The following CMIP variants were observed in gnomAD, a reference collection of about 807,000 sequenced individuals.
The protein encoded by CMIP is c-Maf inducing protein.
Under a neutral mutation model 97.3 loss-of-function variants are expected in CMIP, and 13 were observed. The ratio of observed to expected loss-of-function variants is 0.13; its 90% confidence interval spans 0.09 to 0.21. The LOEUF (loss-of-function observed/expected upper bound fraction) is 0.21. Among genes scored for constraint, CMIP ranks in the 10% least tolerant of loss-of-function variants. CMIP has a pLI of 1.00. For missense variants in CMIP, 847 were observed against 1,024.9 expected (o/e 0.83, Z 2.37); for synonymous variants, 538 against 436.3 (o/e 1.23, Z -2.91).
Position 81,701,702 on chromosome 16 carries a change from G to A in CMIP, c.1798G>A (p.Asp600Asn), listed in dbSNP as rs772870285. ...MLEYNIIDNN[D>N]TQLQIISTLE... Reference sequence around the variant, plus strand: ...GGAATACAACATCATCGACAACAACGACACCCAACTGCAGATCATCTCAAC... The same window carrying A: ...GGAATACAACATCATCGACAACAACAACACCCAACTGCAGATCATCTCAAC... The change falls in exon 16 of 21, where the codon GAC becomes AAC. Residue 600 changes from aspartate to asparagine, a missense_variant. Asp to Asn is a conservative substitution (Grantham distance 23). This residue lies in a region of CMIP where 266 missense variants were observed against 384.2 expected (regional missense o/e 0.69). Coordinates refer to ENST00000537098, the MANE Select transcript of CMIP (RefSeq NM_198390.3). The A allele has an allele frequency of 1.2e-6, 2 of 1,613,868 alleles. No individual in the cohort carries two copies. Among genetic ancestry groups the A allele is most frequent in the East Asian group, 2.2e-5 (1 of 44,848 alleles).
At chr16:81,668,851 C>G (rs1385002232) in intron 7 of CMIP, among the ~76,000 whole-genome samples, 1 of 61,610 alleles carries the variant, frequency 1.6e-5, no homozygotes, top group East Asian at 1.2e-3. Context: ...ACCTCACACT[C>G]ACTGCCTTCC....
rs1908638559 is a variant in CMIP, at chr16:81,710,437, G to GCC, written c.*642_*643dup. ...CCCCGCCCGACCCCACCGCCCTCCC[G>GCC]CCCCCACCTGGCGTGTAGTACTGTA... On this transcript the variant is annotated 3_prime_UTR_variant, in exon 21 of 21. Coordinates refer to ENST00000537098, the MANE Select transcript of CMIP (RefSeq NM_198390.3). 1 of 24,280 alleles carries GCC rather than the reference G, an allele frequency of 4.1e-5. No homozygotes were observed. The highest frequency in any genetic ancestry group is 1.6e-4 in the African/African-American group (1 of 6,310). The allele number at this position is 24,280 out of a possible 1,614,324, so 1.5% of individuals were successfully genotyped here.
intron 1 of CMIP, among the ~76,000 whole-genome samples, chr16:81,503,308 G>A (rs2089646309): frequency 6.6e-6 from 1 of 152,176 alleles, no homozygotes; most frequent in African/African-American, 2.4e-5. Context: ...ATGGTGAAGA[G>A]TTTCCCCCTG....
chr16:81,511,897 C>G (rs553958452), intron 1 of CMIP, among the ~76,000 whole-genome samples: 2 of 152,148 alleles, frequency 1.3e-5, no homozygotes, highest in African/African-American at 4.8e-5. Flanking sequence ...TCCAATACCA[C>G]GGCCACCAGC....
intron 3 of CMIP, among the ~76,000 whole-genome samples, chr16:81,650,861 G>C (rs1228262401): frequency 6.6e-6 from 1 of 152,188 alleles, no homozygotes; most frequent in Non-Finnish European, 1.5e-5. Flanking sequence ...GGAAGAACCA[G>C]ATCTTTCCGA....
intron 8 of CMIP, among the ~76,000 whole-genome samples, chr16:81,670,632 G>C (rs60715853): frequency 0.33 from 45,887 of 139,666 alleles, 8,434 homozygotes; most frequent in Middle Eastern, 0.47. Flanking sequence ...GGGGGGGGGG[G>C]GGTGGTTGCT....
chr16:81,671,862 G>C (rs2092686097), intron 8 of CMIP, 104 bp from the exon 9 acceptor site: 1 of 588,628 alleles, frequency 1.7e-6, no homozygotes, highest in Admixed American at 2.9e-5. Flanking sequence ...CGCTGGCAGA[G>C]CGGGCAGCCC....
chr16:81,585,950 T>C (rs1289376626), intron 1 of CMIP, among the ~76,000 whole-genome samples: 1 of 152,190 alleles, frequency 6.6e-6, no homozygotes, highest in African/African-American at 2.4e-5. Flanking sequence ...CATGAGCTCC[T>C]GGAGCATGGT....
intron 3 of CMIP, among the ~76,000 whole-genome samples, chr16:81,641,169 T>A (rs1288383799): frequency 6.6e-6 from 1 of 152,136 alleles, no homozygotes; most frequent in Non-Finnish European, 1.5e-5. Flanking sequence ...GCAATTCCTG[T>A]GCACACGAAT....
At chr16:81,589,258 G>A (rs947825840) in intron 1 of CMIP, among the ~76,000 whole-genome samples, 3 of 152,020 alleles carry the variant, frequency 2.0e-5, no homozygotes, top group South Asian at 2.1e-4. Flanking sequence ...CACCACACCC[G>A]GGTAATTTTT....
At chr16:81,511,709 C>T (rs1044439808) in intron 1 of CMIP, among the ~76,000 whole-genome samples, 19 of 152,164 alleles carry the variant, frequency 1.2e-4, no homozygotes, top group Non-Finnish European at 2.6e-4. Flanking sequence ...TACAGGTGTG[C>T]ACCACCACGC....
intron 2 of CMIP, among the ~76,000 whole-genome samples, chr16:81,615,313 GTGTA>G (rs1451912955): frequency 1.4e-5 from 2 of 145,866 alleles, no homozygotes; most frequent in Admixed American, 7.0e-5. Context: ...ACTGGTGTGT[GTGTA>G]TGGTGTGTGT....
intron 3 of CMIP, among the ~76,000 whole-genome samples, chr16:81,642,983 G>C (rs188830799): frequency 1.3e-5 from 2 of 150,998 alleles, no homozygotes; most frequent in Admixed American, 6.6e-5. Context: ...GCCACAGCCG[G>C]ATGAACCTTG....
At chr16:81,591,334 G>A (rs2091464080) in intron 1 of CMIP, among the ~76,000 whole-genome samples, 1 of 152,180 alleles carries the variant, frequency 6.6e-6, no homozygotes, top group African/African-American at 2.4e-5. Flanking sequence ...GCCAGATAGA[G>A]ATGTAAGGTG....
At chr16:81,576,831 A>G (rs1282070617) in intron 1 of CMIP, among the ~76,000 whole-genome samples, 1 of 152,158 alleles carries the variant, frequency 6.6e-6, no homozygotes, top group Non-Finnish European at 1.5e-5. Flanking sequence ...TGGTGTTCTC[A>G]TCTGTAAAAT....
intron 1 of CMIP, among the ~76,000 whole-genome samples, chr16:81,532,521 G>T (rs1328269615): frequency 1.3e-5 from 2 of 151,786 alleles, no homozygotes; most frequent in Non-Finnish European, 2.9e-5. Context: ...AGCCTCCCCA[G>T]GGACTAGCGC....
intron 1 of CMIP, among the ~76,000 whole-genome samples, chr16:81,503,863 C>T (rs1196394363): frequency 6.6e-6 from 1 of 152,266 alleles, no homozygotes; most frequent in Non-Finnish European, 1.5e-5. Context: ...GACGTCATCA[C>T]CTGGGAACAG....
intron 1 of CMIP, among the ~76,000 whole-genome samples, chr16:81,457,566 A>G (rs1906629542): frequency 6.6e-6 from 1 of 152,160 alleles, no homozygotes; most frequent in Non-Finnish European, 1.5e-5. Flanking sequence ...AGTTGTAACA[A>G]CCCGTGATAC....
At chr16:81,466,959 G>A (rs1360445277) in intron 1 of CMIP, among the ~76,000 whole-genome samples, 1 of 152,192 alleles carries the variant, frequency 6.6e-6, no homozygotes, top group East Asian at 1.9e-4. Context: ...CTAATTTTGG[G>A]CCAGTTCTTC....
Sources: gnomAD v4.1 joint callset for allele counts (sites outside exome capture counted in the v4.1 genomes callset) on GRCh38, gnomAD v4.1.1 for gene constraint, gnomAD v4.1.1 regional missense constraint, MANE v1.5 for transcripts, NCBI Gene and HGNC (gene_info 2026-07-23, HGNC 2026-07-21) for gene names.